GABRG3: variants seen among roughly 807,000 people sequenced by gnomAD.
GABRG3 encodes gamma-aminobutyric acid receptor subunit gamma-3.
A neutral mutation model predicts 48.8 loss-of-function variants in GABRG3; 25 were observed. The observed-to-expected ratio is 0.51, with a 90% confidence interval of 0.37 to 0.72. GABRG3 has a LOEUF of 0.72. Among genes scored for constraint, GABRG3 ranks in the 30% least tolerant of loss-of-function variants. GABRG3 has a pLI of 0.00. For missense variants in GABRG3, 394 were observed against 577.9 expected (o/e 0.68, Z 3.26); for synonymous variants, 227 against 217.6 (o/e 1.04, Z -0.38).
intron 3 of GABRG3, among the ~76,000 whole-genome samples, chr15:27,052,785 A>G (rs2140712457): frequency 6.6e-6 from 1 of 152,346 alleles, no homozygotes; most frequent in Middle Eastern, 3.4e-3. Context: ...TACATTAACC[A>G]AAATAGCATG....
At chr15:27,112,628 T>G (rs541751687) in intron 3 of GABRG3, among the ~76,000 whole-genome samples, 15 of 152,104 alleles carry the variant, frequency 9.9e-5, no homozygotes, top group African/African-American at 3.6e-4. Flanking sequence ...TTAGTGGAGA[T>G]GGGGTTTCAC....
At chr15:27,146,975 G>A (rs1490356214) in intron 3 of GABRG3, among the ~76,000 whole-genome samples, 1 of 152,010 alleles carries the variant, frequency 6.6e-6, no homozygotes, top group African/African-American at 2.4e-5. Context: ...AAATATTGCA[G>A]TCAAAAGGCA....
At chr15:27,381,320 G>A (rs1353954764) in intron 5 of GABRG3, among the ~76,000 whole-genome samples, 10 of 152,166 alleles carry the variant, frequency 6.6e-5, no homozygotes, top group Non-Finnish European at 2.9e-5. Flanking sequence ...TTTCAGAATG[G>A]TTTCTTATTC....
At chr15:27,253,005 T>A (rs1241096523) in intron 3 of GABRG3, among the ~76,000 whole-genome samples, 1 of 152,198 alleles carries the variant, frequency 6.6e-6, no homozygotes, top group South Asian at 2.1e-4. Context: ...AGGTCTCAGA[T>A]GGTTTTGAGG....
intron 5 of GABRG3, among the ~76,000 whole-genome samples, chr15:27,329,486 A>G (rs1168256447): frequency 6.6e-6 from 1 of 152,124 alleles, no homozygotes; most frequent in Non-Finnish European, 1.5e-5. Flanking sequence ...GCTAGTCTCA[A>G]ACTCCTGACC....
chr15:26,988,124 G>A (rs1895183554), intron 2 of GABRG3, among the ~76,000 whole-genome samples: 2 of 152,182 alleles, frequency 1.3e-5, no homozygotes, highest in South Asian at 2.1e-4. Flanking sequence ...ATATTCTGCT[G>A]TTGTTAGATG....
At chr15:26,992,751 TC>T (rs1895272074) in intron 2 of GABRG3, among the ~76,000 whole-genome samples, 1 of 152,074 alleles carries the variant, frequency 6.6e-6, no homozygotes, top group African/African-American at 2.4e-5. Flanking sequence ...TTTGGAAGTA[TC>T]CCCTCTATTT....
intron 2 of GABRG3, among the ~76,000 whole-genome samples, chr15:27,024,251 C>T (rs993652043): frequency 1.3e-5 from 2 of 152,174 alleles, no homozygotes; most frequent in African/African-American, 4.8e-5. Flanking sequence ...TTCTCCCACT[C>T]AATGGGTTGT....
intron 3 of GABRG3, among the ~76,000 whole-genome samples, chr15:27,229,802 A>G (rs1889744466): frequency 6.6e-6 from 1 of 152,118 alleles, no homozygotes; most frequent in Non-Finnish European, 1.5e-5. Flanking sequence ...TACCAGTACC[A>G]TGCTGTTTTT....
chr15:27,431,218 G>A (rs887636126), intron 5 of GABRG3, among the ~76,000 whole-genome samples: 1 of 151,894 alleles, frequency 6.6e-6, no homozygotes, highest in Non-Finnish European at 1.5e-5. Context: ...GCTAATCTGG[G>A]TCCTTTGAAT....
chr15:27,146,732 G>A (rs916165531), intron 3 of GABRG3, among the ~76,000 whole-genome samples: 13 of 151,948 alleles, frequency 8.6e-5, no homozygotes, highest in Non-Finnish European at 5.9e-5. Flanking sequence ...CTAGCTTATT[G>A]TAAATTAAGA....
intron 3 of GABRG3, among the ~76,000 whole-genome samples, chr15:27,146,079 A>T (rs1034953404): frequency 1.3e-4 from 20 of 152,178 alleles, no homozygotes. Context: ...ACGTATCACT[A>T]GCAGACTTGC....
At chr15:27,217,792 C>T (rs1294680513) in intron 3 of GABRG3, among the ~76,000 whole-genome samples, 2 of 152,204 alleles carry the variant, frequency 1.3e-5, no homozygotes, top group African/African-American at 2.4e-5. Context: ...GCTGTCCTCT[C>T]CTGGCAAGGT....
chr15:27,255,159 C>A (rs1890573446), intron 3 of GABRG3, among the ~76,000 whole-genome samples: 1 of 152,316 alleles, frequency 6.6e-6, no homozygotes, highest in Non-Finnish European at 1.5e-5. Context: ...GCCAAGCAGG[C>A]AACAAGTTGC....
chr15:27,068,565 T>G (rs993137201), intron 3 of GABRG3, among the ~76,000 whole-genome samples: 1 of 152,372 alleles, frequency 6.6e-6, no homozygotes, highest in South Asian at 2.1e-4. Context: ...TTACTGCCAG[T>G]TAGCAAAGGA....
At chr15:27,477,203 T>C (rs949846329) in intron 5 of GABRG3, among the ~76,000 whole-genome samples, 3 of 152,190 alleles carry the variant, frequency 2.0e-5, no homozygotes, top group Admixed American at 6.5e-5. Flanking sequence ...GTAGGTGAAT[T>C]AATAAATAAA....
intron 7 of GABRG3, among the ~76,000 whole-genome samples, chr15:27,521,613 G>A (rs547229729): frequency 8.1e-4 from 123 of 152,124 alleles, no homozygotes; most frequent in African/African-American, 2.9e-3. Context: ...TAACAATGAA[G>A]ACTTAAAGGA....
At chr15:27,207,035 T>C (rs1163996710) in intron 3 of GABRG3, among the ~76,000 whole-genome samples, 1 of 152,190 alleles carries the variant, frequency 6.6e-6, no homozygotes, top group Non-Finnish European at 1.5e-5. Flanking sequence ...GTGGGGTGTT[T>C]AGTCCATTTA....
At chr15:27,349,968 A>AAC (rs1487615404) in intron 5 of GABRG3, among the ~76,000 whole-genome samples, 1 of 150,486 alleles carries the variant, frequency 6.6e-6, no homozygotes, top group Non-Finnish European at 1.5e-5. Context: ...TAACAAAAAA[A>AAC]AACCTAACTT....
Sources: allele counts gnomAD v4.1 joint callset (sites outside exome capture counted in the v4.1 genomes callset), GRCh38; gene constraint gnomAD v4.1.1; transcripts MANE v1.5; gene names NCBI Gene and HGNC (gene_info 2026-07-23, HGNC 2026-07-21).